The following KPRP variants were observed in gnomAD, a reference collection of about 807,000 sequenced individuals.
The protein encoded by KPRP is keratinocyte proline-rich protein.
For missense variants in KPRP, 820 were observed against 746.4 expected (o/e 1.10, Z -1.15); for synonymous variants, 282 against 276.9 (o/e 1.02, Z -0.18).
rs938920714 is a variant in KPRP, at chr1:152,760,097, C to T, written c.509C>T (p.Ala170Val). The change falls in exon 1 of 1, where the codon GCA becomes GTA. Residue 170 changes from alanine (A) to valine (V), a missense_variant. By Grantham distance (64) the Ala-to-Val change is moderately conservative. Transcript: ENST00000606109. ...GTCCAGATGTATAGAGGGCGTCCTG[C>T]AGTGTGCCAGCCTCAGGGAAGATTC... is the stretch of plus-strand genomic sequence containing the variant. 1.9e-6 allele frequency: 3 copies of T among 1,614,062 alleles called. No homozygotes were observed. Among genetic ancestry groups the T allele is most frequent in the Non-Finnish European group, 2.5e-6 (3 of 1,180,040 alleles).
exon 1 of KPRP, chr1:152,759,748 G>A: frequency 6.2e-7 from 1 of 1,614,176 alleles, no homozygotes. Context: ...ATCATGCCCA[G>A]TTCAAGTTTG....
At chr1:152,760,806 A>G (rs1651097263) in exon 1 of KPRP, 1 of 1,614,102 alleles carries the variant, frequency 6.2e-7, no homozygotes, top group Non-Finnish European at 8.5e-7. Context: ...CTCCACGTCC[A>G]CGTCTGCGCC....
At chr1:152,761,169 T>G (rs763719687) in exon 1 of KPRP, 1 of 1,614,098 alleles carries the variant, frequency 6.2e-7, no homozygotes, top group South Asian at 1.1e-5. Context: ...ACACCGAAGC[T>G]CCCTACTGTG....
exon 1 of KPRP, chr1:152,760,855 C>T (rs746718765): frequency 6.2e-7 from 1 of 1,614,182 alleles, no homozygotes; most frequent in Non-Finnish European, 8.5e-7. Flanking sequence ...CCCGCGTCCT[C>T]TACCACGACA....
At chr1:152,761,340 C>T (rs1300313964) in exon 1 of KPRP, 1 of 1,607,294 alleles carries the variant, frequency 6.2e-7, no homozygotes, top group African/African-American at 1.3e-5. Context: ...GGAAAGGTGA[C>T]TGAGATAACC....
chr1:152,761,534 C>T (rs939219389), exon 1 of KPRP: 3 of 891,354 alleles, frequency 3.4e-6, no homozygotes, highest in South Asian at 1.8e-5. Flanking sequence ...TGTCACTCCT[C>T]GCCCGTACGC....
At chr1:152,760,885 T>C in exon 1 of KPRP, 1 of 1,614,170 alleles carries the variant, frequency 6.2e-7, no homozygotes, top group Non-Finnish European at 8.5e-7. Context: ...ACCTTGTTTG[T>C]ATCCAGAACC....
upstream of KPRP, among the ~76,000 whole-genome samples, chr1:152,758,952 G>T (rs1447848290): frequency 2.0e-5 from 3 of 152,188 alleles, no homozygotes; most frequent in African/African-American, 7.2e-5. Context: ...ATGTTTAAAT[G>T]AATTTATTTC....
At position 152,760,947 on chromosome 1, in the gene KPRP, G is replaced by A. The variant is rs191482763; in HGVS notation, c.1359G>A (p.Gly453=). 3.1e-6 allele frequency: 5 copies of A among 1,612,676 alleles called. No homozygotes were observed. The East Asian group carries it at 8.9e-5, about 29-fold the overall frequency. Residue 453 remains glycine (G), a synonymous_variant, in exon 1 of 1, where the codon GGG becomes GGA. Coordinates refer to ENST00000606109, the Ensembl canonical transcript of KPRP. ...GGCCAGTTCCCCTTCCTCGCCCAGG[G>A]CAGTGTGAGATTCCAGAGCCACGTC... is the stretch of plus-strand genomic sequence containing the variant.
rs1052246320 is a variant in KPRP, at chr1:152,760,675, T to C, written c.1087T>C (p.Trp363Arg). 5.6e-6 allele frequency: 9 copies of C among 1,612,650 alleles called. No individual in the cohort carries two copies. The African/African-American group carries it at 1.2e-4, about 22-fold the overall frequency. ...CCAGAGCTGTGGCCCGCAGCCCTCC[T>C]GGGGCGCCTCCTGCCCTGAGCTGAG... is the stretch of plus-strand genomic sequence containing the variant. Residue 363 changes from tryptophan (W) to arginine (R), a missense_variant, in exon 1 of 1, where the codon TGG becomes CGG. By Grantham distance (101) the Trp-to-Arg change is moderately radical. Transcript: ENST00000606109.
At chr1:152,758,579 T>C (rs1185499758), upstream of KPRP, among the ~76,000 whole-genome samples, 1 of 152,036 alleles carries the variant, frequency 6.6e-6, no homozygotes, top group Admixed American at 6.6e-5. Context: ...AGCAGACGAG[T>C]GAGGCTGCCC....
At chr1:152,760,675 T>G (rs1052246320) in exon 1 of KPRP, 1 of 1,612,650 alleles carries the variant, frequency 6.2e-7, no homozygotes, top group East Asian at 2.2e-5. Flanking sequence ...GCAGCCCTCC[T>G]GGGGCGCCTC....
chr1:152,760,212 C>A (rs764225483), exon 1 of KPRP: 1 of 1,614,122 alleles, frequency 6.2e-7, no homozygotes, highest in South Asian at 1.1e-5. Context: ...CCCCCCAGTT[C>A]CAGTTGAGGC....
exon 1 of KPRP, chr1:152,760,094 C>T (rs928822177): frequency 6.2e-7 from 1 of 1,614,064 alleles, no homozygotes; most frequent in Non-Finnish European, 8.5e-7. Flanking sequence ...AGAGGGCGTC[C>T]TGCAGTGTGC....
exon 1 of KPRP, chr1:152,760,254 G>A (rs752242138): frequency 1.3e-5 from 21 of 1,613,928 alleles, no homozygotes; most frequent in Admixed American, 3.3e-5. Context: ...CTCAGTATCG[G>A]TCCCGGACTT....
At chr1:152,761,094 G>C in exon 1 of KPRP, 1 of 1,614,080 alleles carries the variant, frequency 6.2e-7, no homozygotes, top group Non-Finnish European at 8.5e-7. Flanking sequence ...GCCCATGCTG[G>C]GGCCCAAATC....
chr1:152,759,900 T>C (rs1651049977), exon 1 of KPRP: 1 of 1,614,010 alleles, frequency 6.2e-7, no homozygotes. Context: ...AATCTCAAAC[T>C]TCCTCTGTTC....
At position 152,760,023 on chromosome 1, in the gene KPRP, T is replaced by G; in HGVS notation, c.435T>G (p.Tyr145Ter). ...CAGTTTGTTATACAGAAACTTGTTATGTAGAATGCCCAGTCCAGAACTATG... is the reference window on the plus strand; with the variant it reads ...CAGTTTGTTATACAGAAACTTGTTAGGTAGAATGCCCAGTCCAGAACTATG... Residue 145 changes from tyrosine to a stop codon, truncating the protein, a stop_gained, in exon 1 of 1, where the codon TAT becomes TAG. Transcript: ENST00000606109. LOFTEE classifies it low-confidence loss of function (END_TRUNC). 6.2e-7 allele frequency: 1 copy of G among 1,614,200 alleles called. No homozygotes were observed. Among genetic ancestry groups the G allele is most frequent in the Non-Finnish European group, 8.5e-7 (1 of 1,180,036 alleles).
Position 152,759,908 on chromosome 1 carries a change from T to C in KPRP, c.320T>C (p.Val107Ala). The C allele has an allele frequency of 1.2e-6, 2 of 1,614,192 alleles. No homozygotes were observed. The highest frequency in any genetic ancestry group is 8.5e-7 in the Non-Finnish European group (1 of 1,180,036). The change falls in exon 1 of 1, where the codon GTT becomes GCT. Residue 107 changes from valine (V) to alanine (A), a missense_variant. Transcript: ENST00000606109. ...GCATCCCAATCTCAAACTTCCTCTG[T>C]TCAAAGCCAGGCTCCATGCCAATCT...
Sources: allele counts gnomAD v4.1 joint callset (sites outside exome capture counted in the v4.1 genomes callset), GRCh38; gene constraint gnomAD v4.1.1; transcripts MANE v1.5; gene names NCBI Gene and HGNC (gene_info 2026-07-23, HGNC 2026-07-21).